The following PPP2R2B variants were observed in gnomAD, a reference collection of about 807,000 sequenced individuals.
PPP2R2B encodes the protein serine/threonine-protein phosphatase 2A 55 kDa regulatory subunit B beta isoform.
PPP2R2B carries 5 observed loss-of-function variants against 46.0 expected under a neutral mutation model. That is an observed-to-expected ratio of 0.11 (90% CI 0.06 to 0.23). The LOEUF is 0.23. Among genes scored for constraint, PPP2R2B ranks in the 10% least tolerant of loss-of-function variants. PPP2R2B has a pLI of 1.00. For synonymous variants in PPP2R2B, 215 were observed against 206.7 expected (o/e 1.04, Z -0.34); for missense variants, 367 against 575.0 (o/e 0.64, Z 3.70).
intron 2 of PPP2R2B, among the ~76,000 whole-genome samples, chr5:146,807,776 C>CT (rs10583721): frequency 0.018 from 665 of 36,902 alleles, 204 homozygotes; most frequent in East Asian, 0.036. Flanking sequence ...GGGGTGCCTT[C>CT]TTTTTTTTTT....
chr5:146,835,931 G>A (rs981106631), intron 2 of PPP2R2B, among the ~76,000 whole-genome samples: 10 of 152,064 alleles, frequency 6.6e-5, no homozygotes, highest in Admixed American at 5.2e-4. Flanking sequence ...CAGTTCCACC[G>A]ATTTAAGCTA....
intron 1 of PPP2R2B, among the ~76,000 whole-genome samples, chr5:146,965,167 T>C (rs1477785495): frequency 1.3e-5 from 2 of 152,164 alleles, no homozygotes; most frequent in Non-Finnish European, 2.9e-5. Flanking sequence ...CAGGCTTAGA[T>C]TCCCAAAAGA....
At chr5:146,628,937 G>A (rs1774240925) in intron 7 of PPP2R2B, among the ~76,000 whole-genome samples, 1 of 151,892 alleles carries the variant, frequency 6.6e-6, no homozygotes, top group African/African-American at 2.4e-5. Context: ...CACTTCCCTG[G>A]TAGCTCATAC....
chr5:146,808,450 G>T (rs1300510967), intron 2 of PPP2R2B, among the ~76,000 whole-genome samples: 1 of 152,226 alleles, frequency 6.6e-6, no homozygotes, highest in Non-Finnish European at 1.5e-5. Context: ...TCTCAGTATT[G>T]AAAGCTCTAC....
chr5:146,969,079 G>C (rs1271239402), intron 1 of PPP2R2B, among the ~76,000 whole-genome samples: 1 of 152,202 alleles, frequency 6.6e-6, no homozygotes, highest in Non-Finnish European at 1.5e-5. Flanking sequence ...ACTTGAAGAA[G>C]TTCACAGTTG....
Position 146,589,942 on chromosome 5 carries a change from T to A in PPP2R2B, c.*5A>T, listed in dbSNP as rs1285572302. On this transcript the variant is annotated 3_prime_UTR_variant, in exon 10 of 10. Coordinates refer to ENST00000394411, the MANE Select transcript of PPP2R2B (RefSeq NM_181675.4). ...TGTGAGATTATTAAGTAATAACTTGTCCACCTAGTTAACCTTGTCCTGGAA... is the reference window on the plus strand; with the variant it reads ...TGTGAGATTATTAAGTAATAACTTGACCACCTAGTTAACCTTGTCCTGGAA... 6.2e-7 allele frequency: 1 copy of A among 1,610,708 alleles called. No individual in the cohort carries two copies. The highest frequency in any genetic ancestry group is 1.7e-5 in the Admixed American group (1 of 59,986).
rs185622001 is a variant in PPP2R2B at position 146,773,553 on chromosome 5, C to T, written c.71-72411G>A. Among the ~76,000 whole-genome samples, 101 of 152,230 alleles carry T rather than the reference C, an allele frequency of 6.6e-4. No homozygotes were observed. The East Asian group carries it at 0.011, about 17-fold the overall frequency. On this transcript the variant is annotated intron_variant, in intron 2 of 9. Coordinates refer to ENST00000394411, the MANE Select transcript of PPP2R2B (RefSeq NM_181675.4). ...ACATGCACAAAATAATGAATTATGGCCTATCTACAAAAATAAACATTGTCT... is the reference window on the plus strand; with the variant it reads ...ACATGCACAAAATAATGAATTATGGTCTATCTACAAAAATAAACATTGTCT...
In PPP2R2B at chr5:146,918,113, G is replaced by A. The variant is rs559074042; in HGVS notation, c.79+137552C>T. ...TTTTGTATGTTTAGGCTCAAGCAAAGAATCCATTATGAAAATGACAGAACT... is the reference window on the plus strand; with the variant it reads ...TTTTGTATGTTTAGGCTCAAGCAAAAAATCCATTATGAAAATGACAGAACT... On this transcript the variant is annotated intron_variant, in intron 1 of 8. Transcript: ENST00000336640. 1.3e-4 allele frequency among the ~76,000 whole-genome samples: 20 copies of A among 152,242 alleles called. 1 individual carries two copies. The highest frequency in any genetic ancestry group is 4.3e-4 in the African/African-American group (18 of 41,540).
chr5:146,783,881 C>CGGAGAATGA (rs1755684091), intron 2 of PPP2R2B, among the ~76,000 whole-genome samples: 1 of 152,126 alleles, frequency 6.6e-6, no homozygotes, highest in Non-Finnish European at 1.5e-5. Flanking sequence ...GCTTCTGCCT[C>CGGAGAATGA]GGAGAATGAT....
At chr5:146,722,138 G>A (rs1275557166) in intron 2 of PPP2R2B, among the ~76,000 whole-genome samples, 1 of 152,150 alleles carries the variant, frequency 6.6e-6, no homozygotes, top group Non-Finnish European at 1.5e-5. Context: ...TCTAACTTGA[G>A]AGCTTTTTGC....
intron 6 of PPP2R2B, among the ~76,000 whole-genome samples, chr5:146,648,977 A>C (rs1530419): frequency 0.77 from 116,438 of 152,078 alleles, 45,549 homozygotes; most frequent in Non-Finnish European, 0.84. Context: ...GTGGGAAGCT[A>C]CTGGAATGTT....
chr5:146,795,351 T>C (rs1156935760), intron 2 of PPP2R2B, among the ~76,000 whole-genome samples: 1 of 152,154 alleles, frequency 6.6e-6, no homozygotes, highest in Non-Finnish European at 1.5e-5. Flanking sequence ...ACAAATATTA[T>C]TCAGCCTTAA....
intron 6 of PPP2R2B, among the ~76,000 whole-genome samples, chr5:146,644,266 A>G (rs1775430343): frequency 2.8e-5 from 4 of 145,390 alleles, no homozygotes; most frequent in Admixed American, 6.8e-5. Context: ...AAAAAAAAGA[A>G]GAAGAAAGAT....
chr5:147,072,446 A>C (rs987292096), intron 2 of PPP2R2B, among the ~76,000 whole-genome samples: 3 of 152,196 alleles, frequency 2.0e-5, no homozygotes, highest in Non-Finnish European at 4.4e-5. Context: ...AATATTTATT[A>C]AGCCCCTGCT....
intron 2 of PPP2R2B, among the ~76,000 whole-genome samples, chr5:146,744,076 G>A (rs182757227): frequency 9.9e-5 from 15 of 152,242 alleles, no homozygotes; most frequent in African/African-American, 3.6e-4. Flanking sequence ...ACTATACGTA[G>A]TATACATACT....
chr5:147,070,654 T>A (rs1334545668), intron 2 of PPP2R2B, among the ~76,000 whole-genome samples: 2 of 152,186 alleles, frequency 1.3e-5, no homozygotes, highest in African/African-American at 2.4e-5. Context: ...ACAAGGCCAA[T>A]GACCCACCAC....
intron 2 of PPP2R2B, among the ~76,000 whole-genome samples, chr5:146,741,304 G>A (rs970641683): frequency 6.6e-6 from 1 of 152,130 alleles, no homozygotes; most frequent in Non-Finnish European, 1.5e-5. Flanking sequence ...TTAATACAGT[G>A]TCTTAACCTA....
intron 7 of PPP2R2B, among the ~76,000 whole-genome samples, chr5:146,600,671 T>G (rs1771696059): frequency 6.6e-6 from 1 of 152,134 alleles, no homozygotes; most frequent in African/African-American, 2.4e-5. Flanking sequence ...ATGGAAGGAC[T>G]GGCATGGGAC....
chr5:146,797,173 T>G (rs1756591370), intron 2 of PPP2R2B, among the ~76,000 whole-genome samples: 1 of 152,210 alleles, frequency 6.6e-6, no homozygotes, highest in South Asian at 2.1e-4. Flanking sequence ...TCAGCTATTA[T>G]TTGTAGTGTG....
Sources: gnomAD v4.1 joint callset for allele counts (sites outside exome capture counted in the v4.1 genomes callset) on GRCh38, gnomAD v4.1.1 for gene constraint, MANE v1.5 for transcripts, NCBI Gene and HGNC (gene_info 2026-07-23, HGNC 2026-07-21) for gene names.